The following SLC39A11 variants were observed in gnomAD, a reference collection of about 807,000 sequenced individuals.
SLC39A11 encodes zinc transporter ZIP11.
SLC39A11 carries 33 observed loss-of-function variants against 36.1 expected under a neutral mutation model. The observed-to-expected ratio is 0.91, with a 90% CI of 0.69 to 1.22. The LOEUF is 1.22. Among genes scored for constraint, SLC39A11 ranks in the 50% most tolerant of loss-of-function variants. The probability of loss-of-function intolerance (pLI) is 0.00; values close to 1 mark genes in which losing one functional copy is unlikely to be tolerated. For missense variants in SLC39A11, 432 were observed against 430.3 expected (o/e 1.00, Z -0.03); for synonymous variants, 166 against 170.3 (o/e 0.97, Z 0.20).
intron 5 of SLC39A11, among the ~76,000 whole-genome samples, chr17:72,912,092 T>A (rs1197287930): frequency 6.6e-6 from 1 of 152,140 alleles, no homozygotes; most frequent in East Asian, 1.9e-4. Context: ...CCAAGGAGCG[T>A]GCCAACACCA....
At chr17:72,843,260 T>C (rs1814783601) in intron 6 of SLC39A11, among the ~76,000 whole-genome samples, 1 of 152,152 alleles carries the variant, frequency 6.6e-6, no homozygotes, top group African/African-American at 2.4e-5. Flanking sequence ...GGGGAGGGGT[T>C]CTTTCCTGTT....
At chr17:72,962,526 TG>T (rs2086680280) in intron 4 of SLC39A11, among the ~76,000 whole-genome samples, 1 of 152,092 alleles carries the variant, frequency 6.6e-6, no homozygotes, top group African/African-American at 2.4e-5. Flanking sequence ...CCTTGGGTTT[TG>T]GGGGTTTTTT....
intron 6 of SLC39A11, among the ~76,000 whole-genome samples, chr17:72,835,110 A>C (rs999561389): frequency 1.3e-5 from 2 of 152,240 alleles, no homozygotes; most frequent in Admixed American, 6.5e-5. Context: ...CTTCTGCCTC[A>C]GTGCACACCA....
At chr17:73,023,146 A>C (rs1027623355) in intron 4 of SLC39A11, among the ~76,000 whole-genome samples, 35 of 152,130 alleles carry the variant, frequency 2.3e-4, no homozygotes, top group African/African-American at 7.7e-4. Flanking sequence ...GTGTCAGGGA[A>C]GCGACCACTG....
At chr17:72,683,404 C>T (rs1026723431) in intron 7 of SLC39A11, among the ~76,000 whole-genome samples, 2 of 150,214 alleles carry the variant, frequency 1.3e-5, no homozygotes, top group Non-Finnish European at 2.9e-5. Context: ...GGCACAGTCA[C>T]GGCTCACTGC....
At chr17:73,053,579 T>A (rs1306365975) in intron 3 of SLC39A11, among the ~76,000 whole-genome samples, 2 of 152,190 alleles carry the variant, frequency 1.3e-5, no homozygotes, top group Non-Finnish European at 2.9e-5. Context: ...TACTATCATC[T>A]CCATTTTACA....
intron 6 of SLC39A11, among the ~76,000 whole-genome samples, chr17:72,738,146 A>G (rs1182822075): frequency 6.6e-6 from 1 of 152,096 alleles, no homozygotes; most frequent in Non-Finnish European, 1.5e-5. Context: ...CTGGGACTAC[A>G]GGCGCCCGCT....
chr17:72,879,461 T>C (rs966292540), intron 5 of SLC39A11, among the ~76,000 whole-genome samples: 3 of 152,262 alleles, frequency 2.0e-5, no homozygotes, highest in Non-Finnish European at 2.9e-5. Flanking sequence ...AAACCAATTA[T>C]ATATTTCACA....
At chr17:72,992,075 G>A (rs753263483) in intron 4 of SLC39A11, among the ~76,000 whole-genome samples, 1 of 152,184 alleles carries the variant, frequency 6.6e-6, no homozygotes, top group Non-Finnish European at 1.5e-5. Flanking sequence ...GCAGAGGCCA[G>A]GAGTGGCGGC....
At chr17:72,698,424 T>A (rs576019924) in intron 7 of SLC39A11, among the ~76,000 whole-genome samples, 1 of 150,922 alleles carries the variant, frequency 6.6e-6, no homozygotes, top group South Asian at 2.1e-4. Flanking sequence ...ATTCTCCTAT[T>A]TTTATGTATA....
At chr17:72,984,210 G>C (rs1178960177) in intron 4 of SLC39A11, among the ~76,000 whole-genome samples, 1 of 152,110 alleles carries the variant, frequency 6.6e-6, no homozygotes, top group Non-Finnish European at 1.5e-5. Context: ...CCATGAAGCA[G>C]AACGGCCTTG....
intron 4 of SLC39A11, among the ~76,000 whole-genome samples, chr17:72,954,625 C>T (rs939248093): frequency 1.2e-4 from 18 of 152,354 alleles, no homozygotes; most frequent in Admixed American, 9.8e-4. Flanking sequence ...GTTTTTATTA[C>T]TGAGAAGTTG....
At chr17:72,784,304 C>T (rs2076423901) in intron 6 of SLC39A11, among the ~76,000 whole-genome samples, 1 of 152,094 alleles carries the variant, frequency 6.6e-6, no homozygotes, top group Admixed American at 6.5e-5. Context: ...GAGATGGCAC[C>T]ACGATACGCC....
chr17:72,751,777 A>G (rs2075165393), intron 6 of SLC39A11, among the ~76,000 whole-genome samples: 1 of 152,044 alleles, frequency 6.6e-6, no homozygotes, highest in Non-Finnish European at 1.5e-5. Context: ...GGGTTTTGTT[A>G]TGTCAGCCAG....
At chr17:73,033,752 T>C (rs992912952) in intron 3 of SLC39A11, among the ~76,000 whole-genome samples, 5 of 152,216 alleles carry the variant, frequency 3.3e-5, no homozygotes, top group Admixed American at 1.3e-4. Flanking sequence ...TACTTAATTA[T>C]GCCTTGCCTT....
At chr17:72,707,106 G>T (rs973710614) in intron 7 of SLC39A11, among the ~76,000 whole-genome samples, 1 of 152,176 alleles carries the variant, frequency 6.6e-6, no homozygotes, top group South Asian at 2.1e-4. Flanking sequence ...TATCTCATTA[G>T]CAATTTTGCT....
At chr17:72,862,652 G>A (rs534998243) in intron 5 of SLC39A11, among the ~76,000 whole-genome samples, 5 of 152,092 alleles carry the variant, frequency 3.3e-5, no homozygotes. Flanking sequence ...TTTCAGCTAC[G>A]GGCAGACATG....
At chr17:72,819,709 T>C (rs1383887619) in intron 6 of SLC39A11, among the ~76,000 whole-genome samples, 1 of 151,348 alleles carries the variant, frequency 6.6e-6, no homozygotes, top group Non-Finnish European at 1.5e-5. Flanking sequence ...TTTTAGGCTT[T>C]TCCAACAGCC....
chr17:72,948,109 A>G (rs2085553986), intron 4 of SLC39A11, among the ~76,000 whole-genome samples: 2 of 152,134 alleles, frequency 1.3e-5, no homozygotes, highest in Admixed American at 1.3e-4. Flanking sequence ...ACGATCTAAA[A>G]AGTCAGTGCT....
Sources: gnomAD v4.1 joint callset for allele counts (sites outside exome capture counted in the v4.1 genomes callset) on GRCh38, gnomAD v4.1.1 for gene constraint, MANE v1.5 for transcripts, NCBI Gene and HGNC (gene_info 2026-07-23, HGNC 2026-07-21) for gene names.